WASHC3: variants seen among roughly 807,000 people sequenced by gnomAD.
WASHC3 encodes WASH complex subunit CCDC53.
A neutral mutation model predicts 26.1 loss-of-function variants in WASHC3; 24 were observed. That is an observed-to-expected ratio of 0.92 (90% CI 0.66 to 1.29). The LOEUF (loss-of-function observed/expected upper bound fraction) is 1.29, where lower values mean the gene tolerates loss of function less well. Among genes scored for constraint, WASHC3 ranks in the 50% most tolerant of loss-of-function variants. The probability of loss-of-function intolerance (pLI) is 0.00; values close to 1 mark genes in which losing one functional copy is unlikely to be tolerated. For missense variants in WASHC3, 214 were observed against 229.6 expected (o/e 0.93, Z 0.44); for synonymous variants, 77 against 75.7 (o/e 1.02, Z -0.09).
Position 102,051,019 on chromosome 12 carries a change from T to A in WASHC3, c.151-4900A>T, listed in dbSNP as rs565261313. ...GAAGAGTTACAAAAGTAGCCTAATA[T>A]GCAGAAAGTTTTTGCAAAGTTGAGT... On this transcript the variant is annotated intron_variant, in intron 2 of 6. Transcript: ENST00000240079. Among the ~76,000 whole-genome samples, 32 of 152,374 alleles carry A rather than the reference T, an allele frequency of 2.1e-4. 1 individual carries two copies. Among genetic ancestry groups the A allele is most frequent in the Admixed American group, 1.4e-3 (21 of 15,308 alleles).
chr12:102,056,349 A>G (rs1936497637), intron 2 of WASHC3, among the ~76,000 whole-genome samples: 1 of 152,204 alleles, frequency 6.6e-6, no homozygotes, highest in Non-Finnish European at 1.5e-5. Context: ...GAATTTTTCC[A>G]CAGTACTGGA....
chr12:102,030,021 C>T (rs533599070), intron 5 of WASHC3, among the ~76,000 whole-genome samples: 5 of 152,212 alleles, frequency 3.3e-5, no homozygotes, highest in South Asian at 4.1e-4. Context: ...TGAGGCCGGG[C>T]GCAGTGGTTC....
In WASHC3 at chr12:102,053,839, T is replaced by C. The variant is rs554288760; in HGVS notation, c.150+7409A>G. On this transcript the variant is annotated intron_variant, in intron 2 of 6. Coordinates refer to ENST00000240079, the MANE Select transcript of WASHC3 (RefSeq NM_016053.4). ...ACTGTCATGGTGATTAAATCACTTATATCTTTAGTATGAAAGTTAACAGAC... is the reference window on the plus strand; with the variant it reads ...ACTGTCATGGTGATTAAATCACTTACATCTTTAGTATGAAAGTTAACAGAC... 2.6e-5 allele frequency among the ~76,000 whole-genome samples: 4 copies of C among 152,344 alleles called. No homozygotes were observed. In the South Asian group the frequency reaches 6.2e-4, roughly 24 times the overall value.
chr12:102,031,786 C>T (rs1423242567), intron 5 of WASHC3, among the ~76,000 whole-genome samples: 2 of 151,986 alleles, frequency 1.3e-5, no homozygotes, highest in African/African-American at 4.8e-5. Context: ...TAATATTATA[C>T]CTATAGTTAA....
At chr12:102,047,224 C>T (rs10778168) in intron 2 of WASHC3, among the ~76,000 whole-genome samples, 45,952 of 151,890 alleles carry the variant, frequency 0.3, 7,345 homozygotes, top group East Asian at 0.42. Flanking sequence ...AGTTTACAAG[C>T]TGGCAGATAC....
chr12:102,028,992 A>G (rs1044954617), intron 5 of WASHC3, among the ~76,000 whole-genome samples: 2 of 152,122 alleles, frequency 1.3e-5, no homozygotes, highest in Non-Finnish European at 2.9e-5. Context: ...AAATATATAC[A>G]ATTGCTAATA....
At chr12:102,052,689 T>G (rs181731926) in intron 2 of WASHC3, among the ~76,000 whole-genome samples, 1 of 151,828 alleles carries the variant, frequency 6.6e-6, no homozygotes, top group African/African-American at 2.4e-5. Context: ...CCAAGTCAGC[T>G]CCTGTGGCCC....
intron 2 of WASHC3, 84 bp from the exon 3 acceptor site, chr12:102,046,203 A>AC (rs1878155889): frequency 1.3e-6 from 1 of 759,854 alleles, no homozygotes; most frequent in Non-Finnish European, 2.2e-6. Context: ...AAAATATTAA[A>AC]AACCATTAAA....
At chr12:102,061,405 T>C in intron 1 of WASHC3, 59 bp from the exon 2 acceptor site, 2 of 1,138,738 alleles carry the variant, frequency 1.8e-6, no homozygotes, top group Non-Finnish European at 2.6e-6. Context: ...GTGCAAATCT[T>C]TTCATATTTG....
intron 6 of WASHC3, among the ~76,000 whole-genome samples, chr12:102,024,174 G>C (rs2121343514): frequency 6.6e-6 from 1 of 152,312 alleles, no homozygotes; most frequent in Non-Finnish European, 1.5e-5. Context: ...AATCACAAGA[G>C]AGGAAGCTAG....
At position 102,060,956 on chromosome 12, in the gene WASHC3, C is replaced by CAAAAAAAA. The variant is rs56001519; in HGVS notation, c.150+284_150+291dup. On this transcript the variant is annotated intron_variant, in intron 2 of 6. Transcript: ENST00000240079. ...GGTGACAGAGTGAGACCCTGTCTCA[C>CAAAAAAAA]AAAAAAAAAAAAAAAAAAAAAAAAA... Among the ~76,000 whole-genome samples the CAAAAAAAA allele has an allele frequency of 2.2e-3, 124 of 55,618 alleles. 9 individuals carry two copies. Among genetic ancestry groups the CAAAAAAAA allele is most frequent in the East Asian group, 6.7e-3 (12 of 1,802 alleles). 36.5% of individuals were successfully genotyped at this position (55,618 alleles called of 152,430 possible).
intron 6 of WASHC3, among the ~76,000 whole-genome samples, chr12:102,021,726 A>G (rs956632964): frequency 1.3e-5 from 2 of 152,194 alleles, no homozygotes; most frequent in African/African-American, 4.8e-5. Context: ...TCAACCGGCC[A>G]AAACTCAACC....
rs58251617 is a variant in WASHC3, at chr12:102,050,453, AACACAC to A, written c.151-4340_151-4335del. On this transcript the variant is annotated intron_variant, in intron 2 of 6. Coordinates refer to ENST00000240079, the MANE Select transcript of WASHC3 (RefSeq NM_016053.4). Reference sequence around the variant, plus strand: ...GATAATGTAGTAAGATGCCATCTCTAACACACACACACACACACACACACACACACA... The same window carrying A: ...GATAATGTAGTAAGATGCCATCTCTAACACACACACACACACACACACACA... 9.3e-3 allele frequency: 3,089 copies of A among 332,724 alleles called. 3 individuals carry two copies. Among genetic ancestry groups the A allele is most frequent in the East Asian group, 0.041 (451 of 11,044 alleles). The allele number at this position is 332,724 out of a possible 1,614,324, so 20.6% of individuals were successfully genotyped here. A position where few individuals can be genotyped will look rare whatever the true frequency, so the allele number is the denominator to read the frequency against.
At chr12:102,030,742 T>C (rs1283849612) in intron 5 of WASHC3, among the ~76,000 whole-genome samples, 1 of 152,162 alleles carries the variant, frequency 6.6e-6, no homozygotes, top group East Asian at 1.9e-4. Context: ...AATAAATAGA[T>C]GAGAATTGAG....
chr12:102,044,681 A>G (rs76375537), intron 3 of WASHC3, among the ~76,000 whole-genome samples: 5,729 of 152,328 alleles, frequency 0.038, 148 homozygotes, highest in African/African-American at 0.069. Flanking sequence ...AGGATATGAC[A>G]AAACTCTTGT....
At chr12:102,035,973 C>T (rs1254476647) in intron 5 of WASHC3, among the ~76,000 whole-genome samples, 2 of 152,106 alleles carry the variant, frequency 1.3e-5, no homozygotes, top group African/African-American at 4.8e-5. Flanking sequence ...AGAATTTGGA[C>T]ATGCAATAAT....
chr12:102,024,363 T>C (rs1208556211), intron 6 of WASHC3, among the ~76,000 whole-genome samples: 1 of 152,132 alleles, frequency 6.6e-6, no homozygotes, highest in Non-Finnish European at 1.5e-5. Flanking sequence ...CAGTAGCTAC[T>C]ATAGTAATTC....
chr12:102,034,961 C>A (rs1050957848), intron 5 of WASHC3, among the ~76,000 whole-genome samples: 2 of 151,806 alleles, frequency 1.3e-5, no homozygotes, highest in African/African-American at 4.8e-5. Flanking sequence ...GGACAATAAC[C>A]GTAAATCAAA....
chr12:102,040,116 A>G (rs1185874293), intron 4 of WASHC3, 138 bp from the exon 5 acceptor site: 7 of 402,190 alleles, frequency 1.7e-5, no homozygotes, highest in Non-Finnish European at 3.2e-5. Flanking sequence ...TTAAATACCA[A>G]TAATTTAATA....
Sources: allele counts gnomAD v4.1 joint callset (sites outside exome capture counted in the v4.1 genomes callset), GRCh38; gene constraint gnomAD v4.1.1; transcripts MANE v1.5; gene names NCBI Gene and HGNC (gene_info 2026-07-23, HGNC 2026-07-21).